The following SIL1 variants were observed in gnomAD, a reference collection of about 807,000 sequenced individuals.
SIL1 encodes the protein nucleotide exchange factor SIL1.
Under a neutral mutation model 49.1 loss-of-function variants are expected in SIL1, and 40 were observed. That is an observed-to-expected ratio of 0.81 (90% CI 0.63 to 1.06). The LOEUF (loss-of-function observed/expected upper bound fraction) is 1.06. Among genes scored for constraint, SIL1 ranks in the 50% least tolerant of loss-of-function variants. SIL1 has a pLI of 0.00. For synonymous variants in SIL1, 253 were observed against 250.8 expected (o/e 1.01, Z -0.08); for missense variants, 500 against 572.6 (o/e 0.87, Z 1.29).
At chr5:139,196,581 A>G (rs1223731589) in intron 1 of SIL1, 2 of 152,218 alleles carry the variant, frequency 1.3e-5, no homozygotes, top group African/African-American at 4.8e-5. Flanking sequence ...GTACTAGGCA[A>G]CTTTTCATTC....
At chr5:139,053,520 C>A (rs991736972) in intron 3 of SIL1, among the ~76,000 whole-genome samples, 10 of 152,352 alleles carry the variant, frequency 6.6e-5, no homozygotes, top group Admixed American at 2.6e-4. Context: ...CAAACCTTTT[C>A]ATGGCTTCCT....
At chr5:139,024,876 T>C (rs990293768) in intron 6 of SIL1, among the ~76,000 whole-genome samples, 3 of 152,246 alleles carry the variant, frequency 2.0e-5, no homozygotes, top group Non-Finnish European at 2.9e-5. Context: ...CTGAGCTGTA[T>C]GTACTTCTTC....
At chr5:139,060,803 C>G (rs1769568517) in intron 3 of SIL1, among the ~76,000 whole-genome samples, 1 of 152,126 alleles carries the variant, frequency 6.6e-6, no homozygotes, top group South Asian at 2.1e-4. Context: ...AACTAAGGCT[C>G]AGGGCCTAGA....
At chr5:139,029,140 C>T (rs191485677) in intron 5 of SIL1, among the ~76,000 whole-genome samples, 1 of 152,140 alleles carries the variant, frequency 6.6e-6, no homozygotes, top group Admixed American at 6.5e-5. Flanking sequence ...TTTTTTTAAA[C>T]AGAGAACTGG....
chr5:139,132,698 A>G (rs1750889293), intron 1 of SIL1, among the ~76,000 whole-genome samples: 1 of 152,192 alleles, frequency 6.6e-6, no homozygotes, highest in Admixed American at 6.5e-5. Context: ...GCAGGCACGG[A>G]AAACAGTGTT....
At chr5:139,099,974 G>A (rs1297526570) in intron 3 of SIL1, among the ~76,000 whole-genome samples, 1 of 152,064 alleles carries the variant, frequency 6.6e-6, no homozygotes, top group Non-Finnish European at 1.5e-5. Flanking sequence ...TTGAGGGGAA[G>A]GATACCCCAT....
intron 6 of SIL1, among the ~76,000 whole-genome samples, chr5:139,024,858 T>C (rs1768608619): frequency 6.6e-6 from 1 of 152,208 alleles, no homozygotes; most frequent in Non-Finnish European, 1.5e-5. Flanking sequence ...CTTCCTCCCA[T>C]TATCTCTCTG....
intron 7 of SIL1, among the ~76,000 whole-genome samples, chr5:138,989,136 ATT>A (rs1767703412): frequency 1.3e-5 from 2 of 152,356 alleles, no homozygotes; most frequent in African/African-American, 4.8e-5. Flanking sequence ...ATGTGACTGT[ATT>A]ACCAAATCAG....
chr5:138,981,512 T>C (rs1767520304), intron 7 of SIL1, among the ~76,000 whole-genome samples: 1 of 152,072 alleles, frequency 6.6e-6, no homozygotes, highest in Non-Finnish European at 1.5e-5. Context: ...TTCATGAGAG[T>C]CATTTCATGG....
chr5:139,115,716 C>T (rs1292740930), intron 3 of SIL1, among the ~76,000 whole-genome samples: 1 of 152,190 alleles, frequency 6.6e-6, no homozygotes, highest in Non-Finnish European at 1.5e-5. Flanking sequence ...CATCTAAACT[C>T]TTCCGTTTGG....
chr5:138,966,496 G>A (rs1580989758), intron 7 of SIL1, among the ~76,000 whole-genome samples: 1 of 152,070 alleles, frequency 6.6e-6, no homozygotes, highest in African/African-American at 2.4e-5. Context: ...CATTTCCCTC[G>A]GCGGGCGGGT....
intron 3 of SIL1, among the ~76,000 whole-genome samples, chr5:139,077,708 A>C (rs565082257): frequency 6.6e-6 from 1 of 152,222 alleles, no homozygotes; most frequent in Non-Finnish European, 1.5e-5. Flanking sequence ...AGAGGCACCA[A>C]AACAGTCACT....
intron 7 of SIL1, among the ~76,000 whole-genome samples, chr5:138,977,783 C>A (rs1767424608): frequency 6.6e-6 from 1 of 152,140 alleles, no homozygotes. Context: ...CCAACCTCAC[C>A]TCTTCTTAGT....
chr5:138,955,755 G>A (rs1201907837), intron 7 of SIL1, among the ~76,000 whole-genome samples: 2 of 152,246 alleles, frequency 1.3e-5, no homozygotes, highest in African/African-American at 4.8e-5. Flanking sequence ...TTTCAAGACA[G>A]TGAGAACAGA....
chr5:139,119,208 C>T (rs768697070), intron 3 of SIL1, among the ~76,000 whole-genome samples: 12 of 152,240 alleles, frequency 7.9e-5, no homozygotes, highest in Non-Finnish European at 1.8e-4. Flanking sequence ...CCACAGTCCA[C>T]TCTTGTCACA....
chr5:139,193,698 T>C (rs1752215937), intron 1 of SIL1, among the ~76,000 whole-genome samples: 1 of 152,202 alleles, frequency 6.6e-6, no homozygotes, highest in Non-Finnish European at 1.5e-5. Flanking sequence ...AAGGGCACAG[T>C]GTTCATTAAC....
chr5:139,166,613 T>C (rs1751629000), intron 1 of SIL1, among the ~76,000 whole-genome samples: 1 of 152,184 alleles, frequency 6.6e-6, no homozygotes, highest in Non-Finnish European at 1.5e-5. Context: ...GCTATCATCA[T>C]GCCATTGCAT....
chr5:138,987,419 A>G (rs1213421335), intron 7 of SIL1, among the ~76,000 whole-genome samples: 1 of 152,136 alleles, frequency 6.6e-6, no homozygotes, highest in African/African-American at 2.4e-5. Flanking sequence ...CTAGTCATCC[A>G]TTCTGGGACC....
chr5:139,130,610 G>A (rs1033679621), intron 1 of SIL1, among the ~76,000 whole-genome samples: 9 of 152,012 alleles, frequency 5.9e-5, no homozygotes, highest in Admixed American at 2.6e-4. Flanking sequence ...CATATGTCCC[G>A]GCAATTCCAC....
Sources: gnomAD v4.1 joint callset for allele counts (sites outside exome capture counted in the v4.1 genomes callset) on GRCh38, gnomAD v4.1.1 for gene constraint, MANE v1.5 for transcripts, NCBI Gene and HGNC (gene_info 2026-07-23, HGNC 2026-07-21) for gene names.